CCDC91: variants seen among roughly 807,000 people sequenced by gnomAD.
CCDC91 encodes the protein coiled-coil domain containing 91.
Under a neutral mutation model 63.2 loss-of-function variants are expected in CCDC91, and 48 were observed. That is an observed-to-expected ratio of 0.76 (90% CI 0.60 to 0.97). The LOEUF is 0.97. CCDC91 is among the 50% of genes least tolerant of loss of function. The pLI, the probability that CCDC91 is intolerant of heterozygous loss-of-function variation, is 0.00. For synonymous variants in CCDC91, 167 were observed against 165.8 expected, an observed-to-expected ratio of 1.01 and a Z score of -0.06; for missense variants, 500 against 494.6, an observed-to-expected ratio of 1.01 and a Z score of -0.10.
At chr12:28,231,506 AGACTT>A (rs1220868663) in intron 1 of CCDC91, among the ~76,000 whole-genome samples, 2 of 152,144 alleles carry the variant, frequency 1.3e-5, no homozygotes, top group Non-Finnish European at 2.9e-5. Flanking sequence ...TGGCATGCTA[AGACTT>A]GATTTCCTAA....
In CCDC91 at chr12:28,440,569, A is replaced by G. The variant is rs139675398; in HGVS notation, c.763-9592A>G. Among the ~76,000 whole-genome samples the G allele has an allele frequency of 3.4e-3, 518 of 152,328 alleles. 7 individuals are homozygous for G. The highest frequency in any genetic ancestry group is 0.012 in the African/African-American group (486 of 41,570). ...AGCAATAGTCATAAAAGAAAAATCG[A>G]TAAATTAGGGTTTATCTGATTGAAA... On this transcript the variant is annotated intron_variant, in intron 8 of 12. Coordinates refer to ENST00000536442, the MANE Select transcript of CCDC91 (RefSeq NM_018318.5).
chr12:28,473,845 G>A (rs573752255), intron 11 of CCDC91, among the ~76,000 whole-genome samples: 54 of 152,074 alleles, frequency 3.6e-4, no homozygotes, highest in African/African-American at 1.3e-3. Context: ...TCCCCCTCAG[G>A]AGAACATTTA....
chr12:28,268,502 T>G (rs1472563740), intron 3 of CCDC91: 1 of 201,540 alleles, frequency 5.0e-6, no homozygotes, highest in African/African-American at 2.4e-5. Flanking sequence ...AGCCTTAAAC[T>G]GACAGACTGT....
chr12:28,324,631 G>T (rs1328854349), intron 6 of CCDC91, among the ~76,000 whole-genome samples: 1 of 151,574 alleles, frequency 6.6e-6, no homozygotes, highest in Non-Finnish European at 1.5e-5. Flanking sequence ...TAGGATTAAC[G>T]TCAACCTTTG....
chr12:28,246,555 A>G (rs1328862498), intron 1 of CCDC91, among the ~76,000 whole-genome samples: 1 of 152,198 alleles, frequency 6.6e-6, no homozygotes, highest in Non-Finnish European at 1.5e-5. Flanking sequence ...TATCCCATAG[A>G]GGCATGGATT....
intron 3 of CCDC91, among the ~76,000 whole-genome samples, chr12:28,280,550 A>G (rs1229667135): frequency 6.6e-6 from 1 of 152,116 alleles, no homozygotes; most frequent in Non-Finnish European, 1.5e-5. Context: ...TATAGTCTAT[A>G]TGTCTATAAT....
At chr12:28,443,626 T>TACA (rs149598206) in intron 8 of CCDC91, among the ~76,000 whole-genome samples, 7 of 151,614 alleles carry the variant, frequency 4.6e-5, no homozygotes, top group Non-Finnish European at 8.9e-5. Context: ...GAAAACCTAA[T>TACA]ATGATGAAAA....
At chr12:28,219,569 T>TC (rs531466353) in intron 1 of CCDC91, among the ~76,000 whole-genome samples, 86 of 151,652 alleles carry the variant, frequency 5.7e-4, no homozygotes, top group South Asian at 1.5e-3. Flanking sequence ...CCTCCTGGGT[T>TC]CATGCCATTC....
At chr12:28,511,614 G>A (rs973731660) in intron 12 of CCDC91, among the ~76,000 whole-genome samples, 12 of 151,836 alleles carry the variant, frequency 7.9e-5, no homozygotes, top group African/African-American at 2.2e-4. Context: ...AATATTTGCC[G>A]ATTGAATGAG....
chr12:28,408,402 T>C (rs1592584670), intron 8 of CCDC91, among the ~76,000 whole-genome samples: 1 of 152,182 alleles, frequency 6.6e-6, no homozygotes, highest in South Asian at 2.1e-4. Flanking sequence ...CATTTGGGTT[T>C]GTTCCAAGTC....
chr12:28,278,802 A>G (rs1948411055), intron 3 of CCDC91, among the ~76,000 whole-genome samples: 1 of 152,104 alleles, frequency 6.6e-6, no homozygotes, highest in Non-Finnish European at 1.5e-5. Flanking sequence ...TGGCTTCACC[A>G]TTAACAGCTA....
At chr12:28,534,700 A>G (rs1223008920) in intron 12 of CCDC91, among the ~76,000 whole-genome samples, 3 of 152,220 alleles carry the variant, frequency 2.0e-5, no homozygotes, top group Non-Finnish European at 4.4e-5. Context: ...AATGGAATCC[A>G]TATTGGTACT....
intron 3 of CCDC91, among the ~76,000 whole-genome samples, chr12:28,260,635 T>G (rs1183792434): frequency 6.6e-6 from 1 of 151,982 alleles, no homozygotes; most frequent in Non-Finnish European, 1.5e-5. Flanking sequence ...TATCTGACTT[T>G]CATGTTGGAC....
intron 8 of CCDC91, among the ~76,000 whole-genome samples, chr12:28,426,065 T>G (rs1948297964): frequency 6.6e-6 from 1 of 152,198 alleles, no homozygotes; most frequent in Non-Finnish European, 1.5e-5. Flanking sequence ...TACTATCTTT[T>G]ATTATAATGT....
chr12:28,383,837 C>T (rs1319474748), intron 7 of CCDC91, among the ~76,000 whole-genome samples: 1 of 152,154 alleles, frequency 6.6e-6, no homozygotes, highest in Non-Finnish European at 1.5e-5. Context: ...TCCTCTAATA[C>T]AACCATGTAC....
chr12:28,509,786 A>G (rs1377464193), intron 12 of CCDC91, among the ~76,000 whole-genome samples: 7 of 151,942 alleles, frequency 4.6e-5, no homozygotes, highest in Non-Finnish European at 1.0e-4. Flanking sequence ...AAGGAAACAT[A>G]AAATTTCTAT....
intron 3 of CCDC91, among the ~76,000 whole-genome samples, chr12:28,279,809 T>C (rs1252338050): frequency 6.6e-6 from 1 of 152,172 alleles, no homozygotes; most frequent in Non-Finnish European, 1.5e-5. Flanking sequence ...TTATTTTTCT[T>C]TCTGTAAAGC....
intron 6 of CCDC91, among the ~76,000 whole-genome samples, chr12:28,333,312 G>A (rs1335011811): frequency 2.7e-5 from 4 of 150,812 alleles, no homozygotes; most frequent in African/African-American, 7.3e-5. Context: ...GGAGAATGGC[G>A]TGAACCCAGG....
intron 8 of CCDC91, among the ~76,000 whole-genome samples, chr12:28,413,337 C>T (rs1947437941): frequency 6.6e-6 from 1 of 151,928 alleles, no homozygotes; most frequent in Admixed American, 6.6e-5. Context: ...GGATTTTTAC[C>T]CCCATATTTT....
Sources: gnomAD v4.1 joint callset for allele counts (sites outside exome capture counted in the v4.1 genomes callset) on GRCh38, gnomAD v4.1.1 for gene constraint, MANE v1.5 for transcripts, NCBI Gene and HGNC (gene_info 2026-07-23, HGNC 2026-07-21) for gene names.